The following CD8A variants were observed in gnomAD, a reference collection of about 807,000 sequenced individuals.
CD8A encodes the protein T-cell surface glycoprotein CD8 alpha chain.
A neutral mutation model predicts 24.2 loss-of-function variants in CD8A; 25 were observed. The ratio of observed to expected loss-of-function variants is 1.03; its 90% CI spans 0.75 to 1.44. The LOEUF (loss-of-function observed/expected upper bound fraction) is 1.44. Among genes scored for constraint, CD8A ranks in the 40% most tolerant of loss-of-function variants. The pLI is 0.00. For missense variants in CD8A, 360 were observed against 319.7 expected (o/e 1.13, Z -0.96); for synonymous variants, 165 against 149.9 (o/e 1.10, Z -0.74).
At chr2:86,802,435 A>G (rs574771574) in intron 2 of CD8A, among the ~76,000 whole-genome samples, 56 of 152,314 alleles carry the variant, frequency 3.7e-4, no homozygotes, top group African/African-American at 1.3e-3. Flanking sequence ...TGATGACATA[A>G]TCTAAGACTT....
rs1039846384 is a variant in CD8A, at chr2:86,785,305, T to C, written c.*615A>G. On this transcript the variant is annotated 3_prime_UTR_variant, in exon 6 of 6. Coordinates refer to ENST00000283635, the MANE Select transcript of CD8A (RefSeq NM_001768.7). ...AAAAAAAAGTCTGATATTGTTTACA[T>C]TATAGAACTCTGCCAAAGGCAGTTC... 9.9e-5 allele frequency: 45 copies of C among 454,006 alleles called. No homozygotes were observed. In the Admixed American group the frequency reaches 1.0e-3, roughly 10 times the overall value. The allele number at this position is 454,006 out of a possible 1,614,324, so 28.1% of individuals were successfully genotyped here.
chr2:86,790,179 C>A, intron 2 of CD8A, 149 bp downstream of exon 2: 1 of 696,840 alleles, frequency 1.4e-6, no homozygotes, highest in African/African-American at 1.8e-5. Flanking sequence ...TCGCGTTAGC[C>A]TCAGTTTGCT....
chr2:86,800,540 C>G (rs947945627), intron 3 of CD8A, among the ~76,000 whole-genome samples: 2 of 151,890 alleles, frequency 1.3e-5, no homozygotes, highest in South Asian at 4.2e-4. Context: ...AAAAATATTT[C>G]TAATACCCCA....
intron 3 of CD8A, among the ~76,000 whole-genome samples, chr2:86,798,893 T>C (rs1046487338): frequency 6.6e-6 from 1 of 152,240 alleles, no homozygotes; most frequent in African/African-American, 2.4e-5. Flanking sequence ...TTACTAGATA[T>C]GTATACATGT....
chr2:86,785,440 G>C lies in CD8A; in HGVS notation c.*480C>G, dbSNP rs568138212. ...TCAAGCACCTCACCCTGAGACAGGG[G>C]CCTCGGAAAGAAAGACCTGAATGGT... On this transcript the variant is annotated 3_prime_UTR_variant, in exon 6 of 6. Transcript: ENST00000283635. The C allele has an allele frequency of 7.4e-4, 337 of 455,300 alleles. 6 individuals are homozygous for C. Among genetic ancestry groups the C allele is most frequent in the South Asian group, 5.1e-3 (332 of 64,478 alleles). 28.2% of individuals were successfully genotyped at this position (455,300 alleles called of 1,614,324 possible). A position where few individuals can be genotyped will look rare whatever the true frequency, so the allele number is the denominator to read the frequency against.
Position 86,785,106 on chromosome 2 carries a change from T to C in CD8A, c.*814A>G. The C allele has an allele frequency of 2.2e-6, 1 of 454,058 alleles. No homozygotes were observed. The highest frequency in any genetic ancestry group is 4.4e-6 in the Non-Finnish European group (1 of 226,774). The allele number at this position is 454,058 out of a possible 1,614,324, so 28.1% of individuals were successfully genotyped here. ...TGCTCAAATTCTATTTGTAAAGGGG[T>C]AGCCTGTCCTCTTTCATGGGCCCCT... On this transcript the variant is annotated 3_prime_UTR_variant, in exon 6 of 6. Transcript: ENST00000283635.
chr2:86,791,274 C>T (rs1222346837), upstream of CD8A: 6 of 366,716 alleles, frequency 1.6e-5, no homozygotes, highest in Admixed American at 3.7e-5. Flanking sequence ...CTTGTACTGT[C>T]ACCTTGGGAC....
upstream of CD8A, among the ~76,000 whole-genome samples, chr2:86,794,357 T>C (rs1201130869): frequency 6.6e-6 from 1 of 152,050 alleles, no homozygotes; most frequent in Non-Finnish European, 1.5e-5. Context: ...TCCATCAGGG[T>C]TCTGTGCCAC....
intron 3 of CD8A, among the ~76,000 whole-genome samples, chr2:86,800,752 G>A (rs530752485): frequency 2.0e-5 from 3 of 152,250 alleles, no homozygotes; most frequent in Admixed American, 2.0e-4. Context: ...TTGGAAGAAG[G>A]CCTTCTAGAT....
Position 86,799,238 on chromosome 2 carries a change from C to T in CD8A, c.-271+2273G>A, listed in dbSNP as rs568448237. 9.6e-4 allele frequency among the ~76,000 whole-genome samples: 146 copies of T among 152,274 alleles called. No homozygotes were observed. The Middle Eastern group carries it at 0.027, about 28-fold the overall frequency. ...AGTCCCTGTGTTTAGGCTTTGTGCT[C>T]GTTCTCCTTTCTGGCCTATTCTTTC... On this transcript the variant is annotated intron_variant, in intron 3 of 8. Transcript: ENST00000409511.
chr2:86,808,111 G>C (rs1218883830), intron 1 of CD8A: 2 of 152,324 alleles, frequency 1.3e-5, no homozygotes, highest in African/African-American at 4.8e-5. Context: ...CCTTTCCCAT[G>C]AATTCACCTT....
rs1364327185 is a variant in CD8A, at chr2:86,785,217, C to A, written c.*703G>T. 1 of 453,872 alleles carries A rather than the reference C, an allele frequency of 2.2e-6. No homozygotes were observed. Among genetic ancestry groups the A allele is most frequent in the South Asian group, 1.6e-5 (1 of 64,470 alleles). 28.1% of individuals were successfully genotyped at this position (453,872 alleles called of 1,614,324 possible). A position where few individuals can be genotyped will look rare whatever the true frequency, so the allele number is the denominator to read the frequency against. On this transcript the variant is annotated 3_prime_UTR_variant, in exon 6 of 6. Transcript: ENST00000283635. ...CTTTAGAGATAGAGGGATTCATTTTCCAGGGTTAAGCTCACCACTTCATTT... is the reference window on the plus strand; with the variant it reads ...CTTTAGAGATAGAGGGATTCATTTTACAGGGTTAAGCTCACCACTTCATTT...
rs551587694 is a variant in CD8A at position 86,790,877 on chromosome 2, C to A, written c.-52G>T. ...CTCGAAGCTCGGGCGCGAGGGGAGG[C>A]GCGCGGGAGCCGGTGGGGCGCCGAG... On this transcript the variant is annotated 5_prime_UTR_variant, in exon 1 of 6. Transcript: ENST00000283635. 96 of 1,515,516 alleles carry A rather than the reference C, an allele frequency of 6.3e-5. No homozygotes were observed. In the African/African-American group the frequency reaches 1.2e-3, roughly 19 times the overall value. The allele number at this position is 1,515,516 out of a possible 1,614,324, so 93.9% of individuals were successfully genotyped here.
At chr2:86,805,900 C>T (rs534949700) in intron 2 of CD8A, among the ~76,000 whole-genome samples, 7 of 152,004 alleles carry the variant, frequency 4.6e-5, no homozygotes, top group Non-Finnish European at 7.4e-5. Flanking sequence ...TACACTGCAT[C>T]CAAAAAAGGC....
In CD8A at chr2:86,786,622, A is replaced by G. The variant is rs536869632; in HGVS notation, c.657-651T>C. Among the ~76,000 whole-genome samples the G allele has an allele frequency of 1.2e-4, 19 of 152,332 alleles. No individual in the cohort carries two copies. The East Asian group carries it at 3.3e-3, about 26-fold the overall frequency. On this transcript the variant is annotated intron_variant, in intron 5 of 5. Transcript: ENST00000283635. ...TGTATAGCTTTGTATTTTAAGGCAG[A>G]ACTTTATTCTCAGTTATTCATCTCA... is the stretch of plus-strand genomic sequence containing the variant.
upstream of CD8A, among the ~76,000 whole-genome samples, chr2:86,793,039 G>C (rs988510218): frequency 1.3e-5 from 2 of 152,152 alleles, no homozygotes; most frequent in African/African-American, 4.8e-5. Flanking sequence ...TGTTACAGTT[G>C]AATGTGTCCC....
chr2:86,807,166 T>TAAAAA (rs1033828675), intron 2 of CD8A, among the ~76,000 whole-genome samples: 1 of 146,938 alleles, frequency 6.8e-6, no homozygotes, highest in African/African-American at 2.5e-5. Flanking sequence ...TAAAATAAAA[T>TAAAAA]AAAAAAAAAA....
At chr2:86,803,665 C>T (rs541784074) in intron 2 of CD8A, among the ~76,000 whole-genome samples, 1 of 152,344 alleles carries the variant, frequency 6.6e-6, no homozygotes, top group East Asian at 1.9e-4. Context: ...AATTCTCCTG[C>T]CTCAGCCTCC....
chr2:86,790,071 G>A (rs1673210371), intron 2 of CD8A, among the ~76,000 whole-genome samples: 1 of 152,220 alleles, frequency 6.6e-6, no homozygotes, highest in African/African-American at 2.4e-5. Flanking sequence ...AAACGGAGGC[G>A]CAGATAATTT....
Sources: gnomAD v4.1 joint callset for allele counts (sites outside exome capture counted in the v4.1 genomes callset) on GRCh38, gnomAD v4.1.1 for gene constraint, MANE v1.5 for transcripts, NCBI Gene and HGNC (gene_info 2026-07-23, HGNC 2026-07-21) for gene names.